Variants in RARB observed in about 807,000 individuals in gnomAD.
RARB encodes retinoic acid receptor beta, also known as HBV-activated protein.
RARB carries 17 observed loss-of-function variants against 51.9 expected under a neutral mutation model. That is an observed-to-expected ratio of 0.33 (90% CI 0.22 to 0.49). The LOEUF is 0.49. Ranked by LOEUF, RARB falls within the 20% of genes least tolerant of loss-of-function variation. The pLI, the probability that RARB is intolerant of heterozygous loss-of-function variation, is 0.99. For missense variants in RARB, 369 were observed against 550.8 expected, an observed-to-expected ratio of 0.67 and a Z score of 3.30; for synonymous variants, 215 against 195.4, an observed-to-expected ratio of 1.10 and a Z score of -0.84.
chr3:25,010,100 C>G (rs1237438711), intron 2 of RARB, among the ~76,000 whole-genome samples: 1 of 151,608 alleles, frequency 6.6e-6, no homozygotes, highest in Non-Finnish European at 1.5e-5. Context: ...TTACCCTTTT[C>G]TTTTTCTTGT....
At chr3:25,323,487 G>C (rs74982394) in intron 5 of RARB, among the ~76,000 whole-genome samples, 2,520 of 152,284 alleles carry the variant, frequency 0.017, 65 homozygotes, top group African/African-American at 0.054. Context: ...TATAATAGTA[G>C]TCTACTCAGT....
At chr3:24,852,650 A>G (rs1258002476) in intron 1 of RARB, among the ~76,000 whole-genome samples, 1 of 152,266 alleles carries the variant, frequency 6.6e-6, no homozygotes. Flanking sequence ...TATCTATACA[A>G]TTAATTGTTT....
chr3:25,330,432 A>G (rs865811225), intron 5 of RARB, among the ~76,000 whole-genome samples: 1 of 152,224 alleles, frequency 6.6e-6, no homozygotes, highest in Non-Finnish European at 1.5e-5. Flanking sequence ...TAAGTGAAGG[A>G]GAAATAAAAT....
chr3:25,055,772 G>T (rs780330755), intron 2 of RARB, among the ~76,000 whole-genome samples: 1 of 151,988 alleles, frequency 6.6e-6, no homozygotes, highest in Admixed American at 6.6e-5. Flanking sequence ...GCATACCCCG[G>T]AATCATCACA....
At chr3:25,143,614 T>C (rs1700143255) in intron 4 of RARB, among the ~76,000 whole-genome samples, 2 of 152,198 alleles carry the variant, frequency 1.3e-5, no homozygotes, top group South Asian at 4.1e-4. Context: ...TGGTAGCCTC[T>C]GTAGGTCTTT....
intron 5 of RARB, among the ~76,000 whole-genome samples, chr3:25,403,590 C>A (rs1473720618): frequency 1.3e-5 from 2 of 152,222 alleles, no homozygotes; most frequent in African/African-American, 4.8e-5. Flanking sequence ...GATAAAATTA[C>A]CCTGGCTTAA....
At chr3:24,914,988 T>C (rs947140783) in intron 2 of RARB, among the ~76,000 whole-genome samples, 4 of 152,224 alleles carry the variant, frequency 2.6e-5, no homozygotes, top group African/African-American at 9.6e-5. Context: ...CTTCCATACA[T>C]AGCATTATAG....
intron 5 of RARB, among the ~76,000 whole-genome samples, chr3:25,220,915 A>G (rs1295001882): frequency 6.6e-6 from 1 of 152,198 alleles, no homozygotes; most frequent in African/African-American, 2.4e-5. Context: ...CACTGATGCA[A>G]GTCAAGTGAG....
intron 2 of RARB, among the ~76,000 whole-genome samples, chr3:24,925,804 T>G (rs1032511805): frequency 6.6e-6 from 1 of 152,116 alleles, no homozygotes; most frequent in African/African-American, 2.4e-5. Context: ...CAAAATACCT[T>G]TCACGTGAAA....
rs574483697 is a variant in RARB at position 24,928,703 on chromosome 3, C to A, written c.-380+69951C>A. ...GAAGTAAGGCCTGTATATCCCTCCA[C>A]AGACAGATACTTGGGGATAATTCAC... On this transcript the variant is annotated intron_variant, in intron 2 of 11. Coordinates refer to the RARB transcript ENST00000383772. Among the ~76,000 whole-genome samples, 451 of 152,104 alleles carry A rather than the reference C, an allele frequency of 3.0e-3. 3 individuals are homozygous for A. The highest frequency in any genetic ancestry group is 0.01 in the African/African-American group (432 of 41,530).
intron 2 of RARB, 128 bp downstream of exon 2, chr3:25,461,469 A>G (rs1695177101): frequency 1.8e-6 from 2 of 1,119,480 alleles, no homozygotes; most frequent in Non-Finnish European, 2.5e-6. Context: ...GAATTCAGTT[A>G]TATTCAGTGG....
chr3:25,143,819 T>A (rs1700147339), intron 4 of RARB, among the ~76,000 whole-genome samples: 1 of 152,226 alleles, frequency 6.6e-6, no homozygotes, highest in Non-Finnish European at 1.5e-5. Context: ...AATTTCCTAA[T>A]TTGTACAATG....
intron 1 of RARB, among the ~76,000 whole-genome samples, chr3:25,455,334 C>G (rs1265570004): frequency 6.6e-6 from 1 of 152,096 alleles, no homozygotes; most frequent in East Asian, 1.9e-4. Flanking sequence ...GGGGGAAAGA[C>G]TAAGAAATGG....
chr3:25,322,191 C>T (rs1163633269), intron 5 of RARB, among the ~76,000 whole-genome samples: 2 of 111,098 alleles, frequency 1.8e-5, no homozygotes, highest in East Asian at 6.3e-4. Flanking sequence ...GTGATGAAAA[C>T]ATATACTATT....
intron 2 of RARB, among the ~76,000 whole-genome samples, chr3:25,041,611 C>T (rs940169383): frequency 2.0e-5 from 3 of 151,534 alleles, no homozygotes; most frequent in African/African-American, 7.3e-5. Flanking sequence ...ACATAATTCT[C>T]CAGCTAAGAA....
chr3:25,174,238 C>T, exon 5 of RARB: 1 of 439,536 alleles, frequency 2.3e-6, no homozygotes, highest in South Asian at 2.2e-5. Context: ...AGAAACCATG[C>T]TGGGAAGAAG....
At chr3:25,181,314 T>C (rs1039194402) in intron 5 of RARB, among the ~76,000 whole-genome samples, 1 of 152,220 alleles carries the variant, frequency 6.6e-6, no homozygotes, top group Non-Finnish European at 1.5e-5. Flanking sequence ...TGATTTACTA[T>C]GCATGTCTTA....
intron 1 of RARB, among the ~76,000 whole-genome samples, chr3:24,830,561 C>T (rs991083823): frequency 6.6e-6 from 1 of 151,206 alleles, no homozygotes; most frequent in Non-Finnish European, 1.5e-5. Flanking sequence ...CTGACACTCC[C>T]CGCCGGAGGC....
intron 5 of RARB, among the ~76,000 whole-genome samples, chr3:25,224,817 C>T (rs79040019): frequency 2.6e-5 from 4 of 151,894 alleles, no homozygotes; most frequent in Non-Finnish European, 5.9e-5. Flanking sequence ...GTTGCCCAGG[C>T]TGGTCTCGGA....
Sources: allele counts gnomAD v4.1 joint callset (sites outside exome capture counted in the v4.1 genomes callset), GRCh38; gene constraint gnomAD v4.1.1; transcripts MANE v1.5; gene names NCBI Gene and HGNC (gene_info 2026-07-23, HGNC 2026-07-21).